Variants in FAT4 observed in about 807,000 individuals in gnomAD.
FAT4 encodes the protein protocadherin Fat 4.
A neutral mutation model predicts 303.9 loss-of-function variants in FAT4; 84 were observed. The observed-to-expected ratio is 0.28, with a 90% CI of 0.23 to 0.33. The LOEUF is 0.33. FAT4 is among the 10% of genes least tolerant of loss of function. The probability of loss-of-function intolerance (pLI) is 1.00; values close to 1 mark genes in which losing one functional copy is unlikely to be tolerated. For missense variants in FAT4, 6,005 were observed against 6,146.8 expected, an observed-to-expected ratio of 0.98 and a Z score of 0.77; for synonymous variants, 2,307 against 2,298.8, an observed-to-expected ratio of 1.00 and a Z score of -0.10.
chr4:125,432,877 T>A (rs1725328820), intron 7 of FAT4, among the ~76,000 whole-genome samples: 1 of 152,152 alleles, frequency 6.6e-6, no homozygotes, highest in Non-Finnish European at 1.5e-5. Flanking sequence ...ATTGCATCAT[T>A]TTCTGGGAGG....
In FAT4 at chr4:125,317,473, G is replaced by C; in HGVS notation, c.1062G>C (p.Lys354Asn). 1 of 1,613,734 alleles carries C rather than the reference G, an allele frequency of 6.2e-7. No individual in the cohort carries two copies. Among genetic ancestry groups the C allele is most frequent in the Non-Finnish European group, 8.5e-7 (1 of 1,180,052 alleles). Residue 354 changes from lysine to asparagine, a missense_variant, in exon 2 of 18, where the codon AAG (lysine) becomes AAC (asparagine). Coordinates refer to ENST00000394329, the MANE Select transcript of FAT4 (RefSeq NM_001291303.3). The surrounding 1 kb of genome is among the most constrained non-coding windows in gnomAD (Gnocchi z 7.0). Reference sequence around the variant, plus strand: ...TGAATGACAATGACCCGGTAGTGAAGTTCCGCTACTTCCCGGCCACCTCGC... The same window carrying C: ...TGAATGACAATGACCCGGTAGTGAACTTCCGCTACTTCCCGGCCACCTCGC... ...LDVNDNDPVVKFRYFPATSRY... is the reference protein window; with the variant it reads ...LDVNDNDPVVNFRYFPATSRY...
Position 125,408,599 on chromosome 4 carries a change from C to G in FAT4, c.5725C>G (p.Gln1909Glu), listed in dbSNP as rs770248030. The G allele has an allele frequency of 6.2e-7, 1 of 1,612,790 alleles. No individual in the cohort carries two copies. The highest frequency in any genetic ancestry group is 8.5e-7 in the Non-Finnish European group (1 of 1,179,274). Residue 1909 changes from glutamine to glutamate, a missense_variant, in exon 5 of 18, where the codon CAG (glutamine) becomes GAG (glutamate). By Grantham distance (29) the Gln-to-Glu change is conservative (BLOSUM62 2). Coordinates refer to ENST00000394329, the MANE Select transcript of FAT4 (RefSeq NM_001291303.3). ...GACTCGATTATTAGATTATGAAGTA[C>G]AGCAATATTATATCCTCACTGTTCG... The part of the protein sequence containing the change: ...NLTRLLDYEV[Q>E]QYYILTVRAE...
At chr4:125,364,277 T>C (rs892117849) in intron 2 of FAT4, among the ~76,000 whole-genome samples, 1 of 152,150 alleles carries the variant, frequency 6.6e-6, no homozygotes, top group Non-Finnish European at 1.5e-5. Flanking sequence ...GTGATTCTTG[T>C]AGTAATCTTA....
rs267600010 is a variant in FAT4 at position 125,448,533 on chromosome 4, C to T, written c.7523C>T (p.Ser2508Leu). Residue 2508 changes from serine (S) to leucine (L), a missense_variant, in exon 10 of 18, where the codon TCG becomes TTG. Ser to Leu is a moderately radical substitution (Grantham distance 145). Transcript: ENST00000394329. ...AATTCTGAACTGCATTATTCTCTTT[C>T]GGGTAGAAATTCTGAAAAATTTCAC... ...GPNSELHYSL[S>L]GRNSEKFHID... 3.1e-6 allele frequency: 5 copies of T among 1,613,692 alleles called. No homozygotes were observed. The highest frequency in any genetic ancestry group is 2.7e-5 in the African/African-American group (2 of 74,888).
intron 12 of FAT4, among the ~76,000 whole-genome samples, chr4:125,475,899 T>C (rs1392560338): frequency 6.6e-6 from 1 of 152,148 alleles, no homozygotes; most frequent in African/African-American, 2.4e-5. Context: ...TTTATCTTTT[T>C]TCACCTATAA....
At position 125,491,411 on chromosome 4, in the gene FAT4, T is replaced by A. The variant is rs774607238; in HGVS notation, c.14595T>A (p.Tyr4865Ter). ...ATGACAGGGAGAAGCCAATGGTATATACTTCCAGAATGCCCAAATTATCTC... is the reference window on the plus strand; with the variant it reads ...ATGACAGGGAGAAGCCAATGGTATAAACTTCCAGAATGCCCAAATTATCTC... ...MEYDREKPMVYTSRMPKLSQV... is the reference protein window; with the variant it reads ...MEYDREKPMV The change falls in exon 18 of 18, where the codon TAT (tyrosine) becomes TAA (stop). Residue 4865 changes from tyrosine to a stop codon, truncating the protein, a stop_gained. Transcript: ENST00000394329. LOFTEE classifies it high-confidence loss of function. 6.2e-7 allele frequency: 1 copy of A among 1,614,124 alleles called. No homozygotes were observed. The highest frequency in any genetic ancestry group is 1.3e-5 in the African/African-American group (1 of 75,056).
In FAT4 at chr4:125,317,830, T is replaced by C. The variant is rs199637020; in HGVS notation, c.1419T>C (p.Pro473=). Residue 473 remains proline, a synonymous_variant, in exon 2 of 18, where the codon CCT becomes CCC. Coordinates refer to ENST00000394329, the MANE Select transcript of FAT4 (RefSeq NM_001291303.3). This position sits in a 1 kb window ranked among gnomAD's most constrained non-coding sequence, Gnocchi z 7.0. ...TTAATGACATCAATGACCATCCTCC[T>C]GTCTTTTCACAGCAAGTGTACAGAG... ...IFVNDINDHP[P]VFSQQVYRVN... The C allele has an allele frequency of 1.7e-4, 279 of 1,614,202 alleles. No individual in the cohort carries two copies. Among genetic ancestry groups the C allele is most frequent in the Non-Finnish European group, 1.7e-4 (199 of 1,180,028 alleles).
At chr4:125,397,307 C>T (rs1287631769) in intron 2 of FAT4, among the ~76,000 whole-genome samples, 1 of 152,010 alleles carries the variant, frequency 6.6e-6, no homozygotes, top group Non-Finnish European at 1.5e-5. Context: ...AAATTAAGTG[C>T]CCGAGTTCAT....
intron 5 of FAT4, among the ~76,000 whole-genome samples, chr4:125,411,309 A>G (rs1346127338): frequency 6.6e-6 from 1 of 152,010 alleles, no homozygotes; most frequent in Non-Finnish European, 1.5e-5. Context: ...TAGCATCAAG[A>G]CTACTAAGCA....
At position 125,317,173 on chromosome 4, in the gene FAT4, C is replaced by A. The variant is rs560619748; in HGVS notation, c.762C>A (p.His254Gln). 2.5e-6 allele frequency: 4 copies of A among 1,602,540 alleles called. No homozygotes were observed. In the East Asian group the frequency reaches 9.0e-5, roughly 36 times the overall value. ...NDNPPVFGSSHYQAGVPEDAV... is the reference protein window; with the variant it reads ...NDNPPVFGSSQYQAGVPEDAV... ...ACCCCCCGGTTTTTGGCAGTTCTCA[C>A]TACCAGGCGGGGGTGCCTGAGGACG... The change falls in exon 2 of 18, where the codon CAC (histidine) becomes CAA (glutamine). Residue 254 changes from histidine (H) to glutamine (Q), a missense_variant. His to Gln is a conservative substitution (Grantham distance 24). Coordinates refer to ENST00000394329, the MANE Select transcript of FAT4 (RefSeq NM_001291303.3). The surrounding 1 kb of genome is among the most constrained non-coding windows in gnomAD (Gnocchi z 7.0).
At chr4:125,484,060 T>TACACACACACAC (rs34883833) in intron 16 of FAT4, among the ~76,000 whole-genome samples, 1 of 138,156 alleles carries the variant, frequency 7.2e-6, no homozygotes. Context: ...CAGACACACA[T>TACACACACACAC]ACACACACAC....
chr4:125,427,282 C>T (rs1259632071), intron 7 of FAT4, among the ~76,000 whole-genome samples: 1 of 151,592 alleles, frequency 6.6e-6, no homozygotes, highest in Non-Finnish European at 1.5e-5. Flanking sequence ...AGTATATTCA[C>T]TTTGTTGTGC....
At chr4:125,418,100 G>C (rs1312153099) in intron 7 of FAT4, among the ~76,000 whole-genome samples, 1 of 152,140 alleles carries the variant, frequency 6.6e-6, no homozygotes, top group Non-Finnish European at 1.5e-5. Context: ...TCATTCAAAA[G>C]TCAAACTTGT....
rs74829391 is a variant in FAT4, at chr4:125,416,172, C to G, written c.6844-276C>G. The stretch of plus-strand genomic sequence containing the variant: ...GTTATAAATATTGTTCTACTCTTTT[C>G]CTTCATATATTTAACTACCTAGGTG... On this transcript the variant is annotated intron_variant, in intron 6 of 17. Coordinates refer to ENST00000394329, the MANE Select transcript of FAT4 (RefSeq NM_001291303.3). Among the ~76,000 whole-genome samples, 6,728 of 152,054 alleles carry G rather than the reference C, an allele frequency of 0.044. 164 individuals are homozygous for G. The highest frequency in any genetic ancestry group is 0.078 in the Middle Eastern group (23 of 294).
chr4:125,407,152 G>A lies in FAT4; in HGVS notation c.5569+11G>A. On this transcript the variant is annotated intron_variant, in intron 4 of 17. Coordinates refer to ENST00000394329, the MANE Select transcript of FAT4 (RefSeq NM_001291303.3). Reference sequence around the variant, plus strand: ...AGGACACAATCCCTGGTAGGTGATGGGTCTCTTATGTGTATTTTGCAAGAA... The same window carrying A: ...AGGACACAATCCCTGGTAGGTGATGAGTCTCTTATGTGTATTTTGCAAGAA... 1.2e-6 allele frequency: 2 copies of A among 1,602,338 alleles called. No homozygotes were observed. The highest frequency in any genetic ancestry group is 1.1e-5 in the South Asian group (1 of 90,472).
In FAT4 at chr4:125,431,540, T is replaced by G. The variant is rs552804025; in HGVS notation, c.7019-2705T>G. Among the ~76,000 whole-genome samples, 3 of 152,344 alleles carry G rather than the reference T, an allele frequency of 2.0e-5. No homozygotes were observed. In the East Asian group the frequency reaches 5.8e-4, roughly 29 times the overall value. On this transcript the variant is annotated intron_variant, in intron 7 of 17. Coordinates refer to ENST00000394329, the MANE Select transcript of FAT4 (RefSeq NM_001291303.3). ...TTATAGTCAATTTCTGTGAGTTTTT[T>G]GGTCTCTAAAACAAGTACAAGAAGA...
chr4:125,375,423 T>A (rs1453809815), intron 2 of FAT4, among the ~76,000 whole-genome samples: 1 of 152,212 alleles, frequency 6.6e-6, no homozygotes, highest in Non-Finnish European at 1.5e-5. Context: ...CACTTGTGCC[T>A]CCAATGAGCA....
At chr4:125,387,846 A>T (rs2126004031) in intron 2 of FAT4, among the ~76,000 whole-genome samples, 1 of 152,348 alleles carries the variant, frequency 6.6e-6, no homozygotes, top group African/African-American at 2.4e-5. Flanking sequence ...TAACCAGTTA[A>T]TGAATTCATT....
At chr4:125,443,537 T>G (rs1398711414) in intron 8 of FAT4, among the ~76,000 whole-genome samples, 1 of 152,198 alleles carries the variant, frequency 6.6e-6, no homozygotes, top group Non-Finnish European at 1.5e-5. Flanking sequence ...TGCAACTACT[T>G]TAGTCTCTGT....
Sources: gnomAD v4.1 joint callset for allele counts (sites outside exome capture counted in the v4.1 genomes callset) on GRCh38, gnomAD v4.1.1 for gene constraint, Gnocchi (gnomAD v3.1) non-coding constraint, MANE v1.5 for transcripts, NCBI Gene and HGNC (gene_info 2026-07-23, HGNC 2026-07-21) for gene names.